Variants in C12orf50 observed in about 807,000 individuals in gnomAD.
C12orf50 encodes the protein zinc finger CCCH-type containing 11D, also known as uncharacterized protein C12orf50.
C12orf50 carries 35 observed loss-of-function variants against 61.6 expected under a neutral mutation model. The ratio of observed to expected loss-of-function variants is 0.57; its 90% CI spans 0.43 to 0.75. The LOEUF is 0.75. Ranked by LOEUF, C12orf50 falls within the 30% of genes least tolerant of loss-of-function variation. C12orf50 has a pLI of 0.00. For missense variants in C12orf50, 475 were observed against 488.5 expected (o/e 0.97, Z 0.26); for synonymous variants, 178 against 161.5 (o/e 1.10, Z -0.77).
intron 3 of C12orf50, among the ~76,000 whole-genome samples, chr12:88,013,515 A>C (rs916252024): frequency 6.6e-6 from 1 of 152,220 alleles, no homozygotes; most frequent in Admixed American, 6.5e-5. Context: ...ATGCTCTTGA[A>C]CTTAGAAGGT....
At chr12:88,023,659 T>G (rs1411347981) in intron 3 of C12orf50, among the ~76,000 whole-genome samples, 1 of 134,546 alleles carries the variant, frequency 7.4e-6, no homozygotes, top group East Asian at 2.1e-4. Flanking sequence ...AGAGTGAGAC[T>G]CCATCTCAAA....
intron 3 of C12orf50, among the ~76,000 whole-genome samples, chr12:88,024,407 G>A (rs2032627241): frequency 6.6e-6 from 1 of 152,122 alleles, no homozygotes; most frequent in African/African-American, 2.4e-5. Context: ...GAACGAATAA[G>A]GAAAATGTGG....
intron 8 of C12orf50, among the ~76,000 whole-genome samples, chr12:87,988,852 T>A (rs1490297683): frequency 6.6e-6 from 1 of 152,148 alleles, no homozygotes; most frequent in Non-Finnish European, 1.5e-5. Flanking sequence ...ATGTATTTTA[T>A]CATATCTCTT....
rs999179224 is a variant in C12orf50 at position 88,026,416 on chromosome 12, G to A, written c.133+72C>T. ...TCACCTTGTCATACTTTTTAAATGT[G>A]TCATTCTATGCTGCTAGTCCAAAAC... is the stretch of plus-strand genomic sequence containing the variant. On this transcript the variant is annotated intron_variant, in intron 3 of 12. Transcript: ENST00000298699. 2.7e-6 allele frequency: 4 copies of A among 1,501,236 alleles called. No individual in the cohort carries two copies. In the African/African-American group the frequency reaches 5.6e-5, roughly 21 times the overall value. The allele number at this position is 1,501,236 out of a possible 1,614,324, so 93.0% of individuals were successfully genotyped here.
intron 7 of C12orf50, among the ~76,000 whole-genome samples, chr12:87,993,492 T>TACAGCTAGACTAAA (rs1418105413): frequency 1.3e-5 from 2 of 152,116 alleles, no homozygotes; most frequent in South Asian, 2.1e-4. Flanking sequence ...CTAAAACAAT[T>TACAGCTAGACTAAA]ACAGCTAGAC....
chr12:88,026,915 C>A (rs898418043), intron 2 of C12orf50, 36 bp downstream of exon 2: 5 of 1,600,502 alleles, frequency 3.1e-6, no homozygotes, highest in Non-Finnish European at 4.3e-6. Context: ...AAGGGAAATA[C>A]TTTTTGACAA....
chr12:87,985,974 A>G lies in C12orf50; in HGVS notation c.1002T>C (p.Tyr334=). Residue 334 remains tyrosine, a synonymous_variant, in exon 11 of 13, where the codon TAT becomes TAC. Coordinates refer to ENST00000298699, the MANE Select transcript of C12orf50 (RefSeq NM_152589.3). ...NKNRNAENAS[Y]IHVQRDAVRT... The stretch of plus-strand genomic sequence containing the variant: ...TGACAGCATCTCTTTGAACGTGGAT[A>G]TAGGATGCATTCTCCGCATTTCGAT... The G allele has an allele frequency of 6.2e-7, 1 of 1,613,932 alleles. No homozygotes were observed. The highest frequency in any genetic ancestry group is 8.5e-7 in the Non-Finnish European group (1 of 1,179,886).
At chr12:88,010,089 T>C (rs1468225940) in intron 3 of C12orf50, among the ~76,000 whole-genome samples, 1 of 152,000 alleles carries the variant, frequency 6.6e-6, no homozygotes, top group Non-Finnish European at 1.5e-5. Flanking sequence ...TCCGTTTCCA[T>C]AATGTAGTGG....
At chr12:88,001,905 G>A (rs1162264379) in intron 3 of C12orf50, among the ~76,000 whole-genome samples, 1 of 151,332 alleles carries the variant, frequency 6.6e-6, no homozygotes, top group East Asian at 1.9e-4. Flanking sequence ...TCAAGTTAAA[G>A]ATTTTTAATT....
chr12:87,992,885 C>G (rs946239516), intron 7 of C12orf50, among the ~76,000 whole-genome samples: 2 of 152,064 alleles, frequency 1.3e-5, no homozygotes, highest in East Asian at 3.9e-4. Context: ...GAAATGAATA[C>G]TAATTCATTA....
At chr12:87,997,163 T>C (rs532751624) in intron 4 of C12orf50, among the ~76,000 whole-genome samples, 68 of 152,196 alleles carry the variant, frequency 4.5e-4, no homozygotes, top group African/African-American at 1.6e-3. Context: ...AAGACATGGG[T>C]CCTAAGCCTG....
chr12:87,982,264 A>G (rs2030521339), intron 12 of C12orf50, among the ~76,000 whole-genome samples: 1 of 152,174 alleles, frequency 6.6e-6, no homozygotes, highest in African/African-American at 2.4e-5. Flanking sequence ...CAAAGTTAAA[A>G]GAAAGTATGA....
At chr12:88,000,482 C>T (rs1461563171) in intron 3 of C12orf50, among the ~76,000 whole-genome samples, 1 of 151,860 alleles carries the variant, frequency 6.6e-6, no homozygotes, top group African/African-American at 2.4e-5. Flanking sequence ...TGTAAGTCCT[C>T]CAAATTTGGT....
At chr12:87,997,045 C>T (rs1356752844) in intron 4 of C12orf50, among the ~76,000 whole-genome samples, 1 of 152,152 alleles carries the variant, frequency 6.6e-6, no homozygotes. Context: ...CATATTCCAG[C>T]ACAAAGACAG....
In C12orf50 at chr12:87,980,315, C is replaced by T. The variant is rs565793083; in HGVS notation, c.*16G>A. 170 of 1,606,538 alleles carry T rather than the reference C, an allele frequency of 1.1e-4. 2 individuals are homozygous for T. The South Asian group carries it at 1.8e-3, about 17-fold the overall frequency. On this transcript the variant is annotated 3_prime_UTR_variant, in exon 13 of 13. Coordinates refer to ENST00000298699, the MANE Select transcript of C12orf50 (RefSeq NM_152589.3). ...TGGCAATTTTTTCTCATTTTTCTCT[C>T]TCTCAACCTCCAGGTTTACTTGCTC... is the stretch of plus-strand genomic sequence containing the variant.
chr12:88,008,371 C>T (rs1034865635), intron 3 of C12orf50, among the ~76,000 whole-genome samples: 7 of 152,102 alleles, frequency 4.6e-5, no homozygotes, highest in Non-Finnish European at 7.4e-5. Flanking sequence ...CAACTCCATC[C>T]GTGTCCCTGC....
chr12:88,017,953 C>G (rs1038427209), intron 3 of C12orf50, among the ~76,000 whole-genome samples: 6 of 152,146 alleles, frequency 3.9e-5, no homozygotes, highest in Admixed American at 6.5e-5. Flanking sequence ...AAGAAAACAG[C>G]ATAAAAGTTT....
intron 3 of C12orf50, among the ~76,000 whole-genome samples, chr12:88,006,010 G>A (rs1313838125): frequency 1.4e-5 from 2 of 142,908 alleles, no homozygotes; most frequent in Admixed American, 7.4e-5. Context: ...TCCGCCTCCC[G>A]GGTTCACGCC....
In C12orf50 at chr12:88,010,277, C is replaced by A. The variant is rs377125809; in HGVS notation, c.134-12087G>T. Among the ~76,000 whole-genome samples the A allele has an allele frequency of 3.8e-4, 58 of 152,020 alleles. 1 individual carries two copies. The East Asian group carries it at 8.7e-3, about 23-fold the overall frequency. On this transcript the variant is annotated intron_variant, in intron 3 of 12. Transcript: ENST00000298699. ...TTCTATTATTTTGCTCTTCTTCAAG[C>A]ATCTCTTGACTATTTCTGGCTCTTT...
Sources: gnomAD v4.1 joint callset for allele counts (sites outside exome capture counted in the v4.1 genomes callset) on GRCh38, gnomAD v4.1.1 for gene constraint, MANE v1.5 for transcripts, NCBI Gene and HGNC (gene_info 2026-07-23, HGNC 2026-07-21) for gene names.